The following SAMMSON variants were observed in gnomAD, a reference collection of about 807,000 sequenced individuals.
SAMMSON encodes survival associated mitochondrial melanoma specific oncogenic non-coding RNA.
At chr3:70,039,279 C>G (rs2067097307) in intron 3 of SAMMSON, among the ~76,000 whole-genome samples, 1 of 152,024 alleles carries the variant, frequency 6.6e-6, no homozygotes, top group Non-Finnish European at 1.5e-5. Context: ...TGGGAGGAAC[C>G]TACTATAATA....
chr3:70,229,223 T>C (rs1435293670), intron 4 of SAMMSON, among the ~76,000 whole-genome samples: 4 of 152,180 alleles, frequency 2.6e-5, no homozygotes, highest in Non-Finnish European at 5.9e-5. Context: ...GGAGGAATGG[T>C]CAGGAAGCAA....
Position 70,215,991 on chromosome 3 carries a change from A to T in SAMMSON, n.508-33116A>T, listed in dbSNP as rs1425236461. On this transcript the variant is annotated intron_variant and non_coding_transcript_variant, in intron 4 of 9. Coordinates refer to ENST00000642114, the Ensembl canonical transcript of SAMMSON. ...GGTATTTTATTTTGATTTGAATGCA[A>T]CATTTGCATTGATATCTGTAGAACT... Among the ~76,000 whole-genome samples, 9 of 152,100 alleles carry T rather than the reference A, an allele frequency of 5.9e-5. No homozygotes were observed. In the East Asian group the frequency reaches 1.7e-3, roughly 29 times the overall value.
chr3:70,217,175 C>A (rs1000340464), intron 4 of SAMMSON, among the ~76,000 whole-genome samples: 1 of 152,052 alleles, frequency 6.6e-6, no homozygotes, highest in Non-Finnish European at 1.5e-5. Context: ...TAAAAGAGGA[C>A]CTGGGAGACC....
At chr3:70,173,901 C>T (rs1000580954) in intron 4 of SAMMSON, among the ~76,000 whole-genome samples, 5 of 151,744 alleles carry the variant, frequency 3.3e-5, no homozygotes, top group Admixed American at 3.3e-4. Context: ...TATAGATATA[C>T]CAGAACATGT....
intron 3 of SAMMSON, among the ~76,000 whole-genome samples, chr3:70,022,750 A>G (rs2067020976): frequency 6.6e-6 from 1 of 152,236 alleles, no homozygotes; most frequent in Non-Finnish European, 1.5e-5. Flanking sequence ...TTTGGTGCAC[A>G]GCTAAAGGGC....
chr3:70,043,362 A>G (rs2067112689), intron 3 of SAMMSON, among the ~76,000 whole-genome samples: 1 of 152,054 alleles, frequency 6.6e-6, no homozygotes, highest in Non-Finnish European at 1.5e-5. Context: ...ACACATCCTT[A>G]TATCATTTTT....
At chr3:70,247,366 G>A (rs892998985) in intron 4 of SAMMSON, among the ~76,000 whole-genome samples, 12 of 151,916 alleles carry the variant, frequency 7.9e-5, no homozygotes, top group East Asian at 1.9e-4. Flanking sequence ...TGGTTAATGC[G>A]GAGAGAGTTA....
At chr3:70,159,038 C>T (rs2067603443) in intron 4 of SAMMSON, among the ~76,000 whole-genome samples, 1 of 151,826 alleles carries the variant, frequency 6.6e-6, no homozygotes, top group South Asian at 2.1e-4. Flanking sequence ...AAAAAATTGA[C>T]CAGTCATTTT....
intron 4 of SAMMSON, among the ~76,000 whole-genome samples, chr3:70,082,892 A>G (rs532691166): frequency 2.6e-5 from 4 of 152,362 alleles, no homozygotes; most frequent in African/African-American, 9.6e-5. Flanking sequence ...TCTCAGATGT[A>G]GAAACTAAGG....
At chr3:70,399,866 A>C (rs1357839973) in intron 2 of SAMMSON, among the ~76,000 whole-genome samples, 7 of 149,944 alleles carry the variant, frequency 4.7e-5, no homozygotes, top group African/African-American at 1.5e-4. Context: ...AAAAAAAAAA[A>C]CAAAAAAAAA....
At chr3:70,022,494 G>A (rs1473141625) in intron 3 of SAMMSON, among the ~76,000 whole-genome samples, 1 of 148,672 alleles carries the variant, frequency 6.7e-6, no homozygotes, top group Non-Finnish European at 1.5e-5. Flanking sequence ...CAGACAACCA[G>A]TTATTTATGA....
chr3:70,144,690 G>T (rs1369475486), intron 4 of SAMMSON, among the ~76,000 whole-genome samples: 1 of 152,124 alleles, frequency 6.6e-6, no homozygotes, highest in Non-Finnish European at 1.5e-5. Flanking sequence ...TGAATCATGG[G>T]CACAGGTCTT....
chr3:70,008,111 A>G (rs1311408478), intron 1 of SAMMSON, among the ~76,000 whole-genome samples: 1 of 152,086 alleles, frequency 6.6e-6, no homozygotes, highest in African/African-American at 2.4e-5. Flanking sequence ...TTGACTTAGG[A>G]TTGACTTGGC....
intron 6 of SAMMSON, among the ~76,000 whole-genome samples, chr3:70,268,271 G>A (rs1701940703): frequency 6.6e-6 from 1 of 151,994 alleles, no homozygotes; most frequent in South Asian, 2.1e-4. Context: ...AGAAGTTCGC[G>A]ACCAGCCTGG....
At chr3:70,078,488 G>T (rs1316144717) in intron 4 of SAMMSON, among the ~76,000 whole-genome samples, 1 of 152,094 alleles carries the variant, frequency 6.6e-6, no homozygotes, top group Non-Finnish European at 1.5e-5. Context: ...TAGCTGTTCT[G>T]TAGGCAGCCT....
At chr3:70,008,426 C>T (rs936196780) in intron 1 of SAMMSON, among the ~76,000 whole-genome samples, 1 of 152,102 alleles carries the variant, frequency 6.6e-6, no homozygotes, top group Non-Finnish European at 1.5e-5. Flanking sequence ...TGGGAGTTCA[C>T]TCATGATTTG....
intron 7 of SAMMSON, among the ~76,000 whole-genome samples, chr3:70,322,970 G>A (rs1029778579): frequency 2.6e-5 from 4 of 152,086 alleles, no homozygotes; most frequent in Admixed American, 6.6e-5. Flanking sequence ...TGGAGAAGTC[G>A]TGAGAAAATT....
chr3:70,409,520 G>T lies in SAMMSON; in HGVS notation n.233+51196G>T, dbSNP rs909227029. 3.3e-5 allele frequency among the ~76,000 whole-genome samples: 5 copies of T among 151,740 alleles called. No homozygotes were observed. In the South Asian group the frequency reaches 8.3e-4, roughly 25 times the overall value. On this transcript the variant is annotated intron_variant and non_coding_transcript_variant, in intron 2 of 3. Coordinates refer to the SAMMSON transcript ENST00000641053. ...TTAAATGTGTAAAGTGTTGATCATG[G>T]AATGTGTAGACATGTATTTTGGTTG...
chr3:70,040,279 T>C (rs988186206), intron 3 of SAMMSON, among the ~76,000 whole-genome samples: 2 of 152,102 alleles, frequency 1.3e-5, no homozygotes, highest in African/African-American at 4.8e-5. Context: ...AGACAGTGGG[T>C]TAAGCAATTT....
Sources: gnomAD v4.1 joint callset for allele counts (sites outside exome capture counted in the v4.1 genomes callset) on GRCh38, gnomAD v4.1.1 for gene constraint, MANE v1.5 for transcripts, NCBI Gene and HGNC (gene_info 2026-07-23, HGNC 2026-07-21) for gene names.